THSD7A: variants seen among roughly 807,000 people sequenced by gnomAD.
The protein encoded by THSD7A is thrombospondin type 1 domain containing 7A, also known as thrombospondin type-1 domain-containing protein 7A.
In THSD7A, 96 loss-of-function variants were observed where a neutral mutation model predicts 231.3. That is an observed-to-expected ratio of 0.41 (90% CI 0.35 to 0.49). THSD7A has a LOEUF of 0.49. Among genes scored for constraint, THSD7A ranks in the 20% least tolerant of loss-of-function variants. THSD7A has a pLI of 0.05. For synonymous variants in THSD7A, 940 were observed against 743.3 expected, an observed-to-expected ratio of 1.26 and a Z score of -4.30; for missense variants, 2,290 against 2,070.2, an observed-to-expected ratio of 1.11 and a Z score of -2.06.
At chr7:11,573,278 T>G (rs910581818) in intron 4 of THSD7A, among the ~76,000 whole-genome samples, 5 of 152,330 alleles carry the variant, frequency 3.3e-5, no homozygotes, top group African/African-American at 1.2e-4. Flanking sequence ...TCAGCCAAAC[T>G]CTGGCCAAGG....
At chr7:11,460,002 A>G (rs550863302) in intron 11 of THSD7A, among the ~76,000 whole-genome samples, 17 of 152,164 alleles carry the variant, frequency 1.1e-4, no homozygotes, top group Non-Finnish European at 2.4e-4. Context: ...TATGTCTGGA[A>G]GAAACAACAT....
rs1199104932 is a variant in THSD7A, at chr7:11,814,895, T to C, written c.190+16862A>G. ...TTTGCTGCATTTCTGTGATTATCTG[T>C]GCCAGCTCATGAGCAGCAGATGCCT... On this transcript the variant is annotated intron_variant, in intron 1 of 27. Coordinates refer to ENST00000423059, the MANE Select transcript of THSD7A (RefSeq NM_015204.3). The surrounding 1 kb of genome is among the most constrained non-coding windows in gnomAD (Gnocchi z 5.1). 6.6e-6 allele frequency among the ~76,000 whole-genome samples: 1 copy of C among 152,074 alleles called. No individual in the cohort carries two copies. The highest frequency in any genetic ancestry group is 1.5e-5 in the Non-Finnish European group (1 of 68,008).
intron 1 of THSD7A, among the ~76,000 whole-genome samples, chr7:11,650,228 T>C (rs73292668): frequency 0.025 from 3,804 of 152,154 alleles, 147 homozygotes; most frequent in African/African-American, 0.087. Flanking sequence ...CCATGACTCA[T>C]CCAGTTTTGT....
At chr7:11,759,262 T>A (rs144409417) in intron 1 of THSD7A, among the ~76,000 whole-genome samples, 1 of 151,950 alleles carries the variant, frequency 6.6e-6, no homozygotes, top group South Asian at 2.1e-4. Flanking sequence ...CAATATGTAG[T>A]GAAAGTATGC....
rs1783603781 is a variant in THSD7A at position 11,406,972 on chromosome 7, G to T, written c.4000C>A (p.Pro1334Thr). The part of the protein sequence containing the change: ...PCPSLMDQSK[P>T]CPVKPCYRWQ... ...CGATAACAAGGCTTCACTGGGCAGGGTTTGGACTGGTCCATCAGGGAAGGG... is the reference window on the plus strand; with the variant it reads ...CGATAACAAGGCTTCACTGGGCAGGTTTTGGACTGGTCCATCAGGGAAGGG... Residue 1334 changes from proline (P) to threonine (T), a missense_variant, in exon 21 of 28, where the codon CCC (proline) becomes ACC (threonine). Physicochemically the swap from Pro to Thr is conservative, Grantham distance 38. Transcript: ENST00000423059. The surrounding 1 kb of genome is among the most constrained non-coding windows in gnomAD (Gnocchi z 4.7). 2 of 1,613,780 alleles carry T rather than the reference G, an allele frequency of 1.2e-6. No homozygotes were observed. Among genetic ancestry groups the T allele is most frequent in the Non-Finnish European group, 8.5e-7 (1 of 1,179,858 alleles).
intron 1 of THSD7A, among the ~76,000 whole-genome samples, chr7:11,771,696 G>A (rs1483420917): frequency 2.0e-5 from 3 of 151,758 alleles, no homozygotes; most frequent in Non-Finnish European, 2.9e-5. Context: ...ACTCAACATC[G>A]CTAATTGATA....
chr7:11,532,479 G>A (rs1788748479), intron 6 of THSD7A, among the ~76,000 whole-genome samples: 1 of 152,146 alleles, frequency 6.6e-6, no homozygotes, highest in Admixed American at 6.6e-5. Context: ...GAAGGATAGA[G>A]ACAGATATTA....
At chr7:11,674,242 G>C (rs1033005213) in intron 1 of THSD7A, among the ~76,000 whole-genome samples, 3 of 152,026 alleles carry the variant, frequency 2.0e-5, no homozygotes, top group Non-Finnish European at 4.4e-5. Flanking sequence ...TTAGAAAGGG[G>C]GTCATCTCTC....
chr7:11,786,268 A>G (rs1783789536), intron 1 of THSD7A, among the ~76,000 whole-genome samples: 1 of 152,108 alleles, frequency 6.6e-6, no homozygotes, highest in Non-Finnish European at 1.5e-5. Flanking sequence ...GCAAGCCAAT[A>G]ACTCAACTGT....
chr7:11,457,354 TA>T (rs1357526653), intron 11 of THSD7A, among the ~76,000 whole-genome samples: 1 of 150,452 alleles, frequency 6.6e-6, no homozygotes, highest in African/African-American at 2.5e-5. Context: ...ATTCTTAAAT[TA>T]AAAATGTTAG....
At chr7:11,592,673 C>T (rs1780211018) in intron 3 of THSD7A, among the ~76,000 whole-genome samples, 1 of 152,164 alleles carries the variant, frequency 6.6e-6, no homozygotes, top group Non-Finnish European at 1.5e-5. Flanking sequence ...TTAGTAAGCA[C>T]AATCTTTGTC....
intron 1 of THSD7A, among the ~76,000 whole-genome samples, chr7:11,739,170 A>C (rs1782020745): frequency 6.6e-6 from 1 of 152,080 alleles, no homozygotes; most frequent in East Asian, 1.9e-4. Context: ...CATAAGGAAA[A>C]GTGAAATCCT....
At position 11,379,616 on chromosome 7, in the gene THSD7A, G is replaced by A; in HGVS notation, c.4590+14C>T. 4 of 1,569,914 alleles carry A rather than the reference G, an allele frequency of 2.5e-6. No homozygotes were observed. Among genetic ancestry groups the A allele is most frequent in the Non-Finnish European group, 3.5e-6 (4 of 1,156,370 alleles). The stretch of plus-strand genomic sequence containing the variant: ...ATGGAGCTGGCTTGTCTGCCCTGAT[G>A]AATTTTCACATACCTCGCTACAGTA... On this transcript the variant is annotated intron_variant, in intron 25 of 27. Coordinates refer to ENST00000423059, the MANE Select transcript of THSD7A (RefSeq NM_015204.3).
At position 11,610,655 on chromosome 7, in the gene THSD7A, T is replaced by C. The variant is rs143400965; in HGVS notation, c.1023-17153A>G. Among the ~76,000 whole-genome samples the C allele has an allele frequency of 1.5e-3, 233 of 152,242 alleles. 1 individual carries two copies. Among genetic ancestry groups the C allele is most frequent in the Non-Finnish European group, 1.2e-3 (80 of 67,972 alleles). ...TTTAAAAGAAGATAATTCTATTTAC[T>C]ATTCTATAATGTATTCTCAAAGGCT... On this transcript the variant is annotated intron_variant, in intron 2 of 27. Transcript: ENST00000423059.
At chr7:11,466,584 A>AT (rs1424584031) in intron 9 of THSD7A, among the ~76,000 whole-genome samples, 1 of 152,044 alleles carries the variant, frequency 6.6e-6, no homozygotes, top group Non-Finnish European at 1.5e-5. Context: ...AACTGAGGTG[A>AT]TTTTTTAAAA....
At chr7:11,550,671 A>G (rs564778623) in intron 4 of THSD7A, among the ~76,000 whole-genome samples, 1 of 152,198 alleles carries the variant, frequency 6.6e-6, no homozygotes, top group Non-Finnish European at 1.5e-5. Flanking sequence ...ATTAAACCTC[A>G]TTTCTTTAAA....
intron 17 of THSD7A, among the ~76,000 whole-genome samples, chr7:11,414,352 G>C (rs997308982): frequency 1.3e-5 from 2 of 152,184 alleles, no homozygotes; most frequent in Non-Finnish European, 2.9e-5. Context: ...GGGACACGAG[G>C]GGGCATAAAG....
chr7:11,427,770 A>G (rs1784366903), intron 14 of THSD7A, among the ~76,000 whole-genome samples: 1 of 152,146 alleles, frequency 6.6e-6, no homozygotes, highest in African/African-American at 2.4e-5. Context: ...CAGTTATATA[A>G]TTATAGTTGC....
At chr7:11,424,207 G>C (rs1355195195) in intron 16 of THSD7A, among the ~76,000 whole-genome samples, 1 of 150,748 alleles carries the variant, frequency 6.6e-6, no homozygotes, top group African/African-American at 2.5e-5. Context: ...AATTTAAATT[G>C]AGTTAGTGTG....
Sources: allele counts gnomAD v4.1 joint callset (sites outside exome capture counted in the v4.1 genomes callset), GRCh38; gene constraint gnomAD v4.1.1; non-coding constraint Gnocchi (gnomAD v3.1); transcripts MANE v1.5; gene names NCBI Gene and HGNC (gene_info 2026-07-23, HGNC 2026-07-21).